The following ARHGAP40 variants were observed in gnomAD, a reference collection of about 807,000 sequenced individuals.
ARHGAP40 encodes rho GTPase-activating protein 40.
Under a neutral mutation model 73.5 loss-of-function variants are expected in ARHGAP40, and 43 were observed. The observed-to-expected ratio is 0.58, with a 90% confidence interval of 0.46 to 0.75. The LOEUF (loss-of-function observed/expected upper bound fraction) is 0.75, where lower values mean the gene tolerates loss of function less well. Among genes scored for constraint, ARHGAP40 ranks in the 30% least tolerant of loss-of-function variants. The pLI is 0.00. For missense variants in ARHGAP40, 734 were observed against 861.8 expected, an observed-to-expected ratio of 0.85 and a Z score of 1.86; for synonymous variants, 300 against 352.8, an observed-to-expected ratio of 0.85 and a Z score of 1.68.
intron 1 of ARHGAP40, among the ~76,000 whole-genome samples, chr20:38,602,315 A>C (rs975183862): frequency 5.9e-5 from 9 of 152,286 alleles, no homozygotes; most frequent in Admixed American, 6.5e-5. Context: ...CCCTGGGTTC[A>C]GGCTACTGGC....
rs1434503377 is a variant in ARHGAP40, at chr20:38,646,817, G to A, written c.1711-140G>A. ...GTCTGTGATCTGTGCCCAAGTGTCCGGTATGCGTGTGTGTGTATCTTGTGA... is the reference window on the plus strand; with the variant it reads ...GTCTGTGATCTGTGCCCAAGTGTCCAGTATGCGTGTGTGTGTATCTTGTGA... On this transcript the variant is annotated intron_variant, in intron 12 of 14. Transcript: ENST00000373345. The surrounding 1 kb of genome is among the most constrained non-coding windows in gnomAD (Gnocchi z 4.5). 4.4e-6 allele frequency: 3 copies of A among 684,526 alleles called. No homozygotes were observed. Among genetic ancestry groups the A allele is most frequent in the Non-Finnish European group, 6.4e-6 (3 of 465,974 alleles). The allele number at this position is 684,526 out of a possible 1,614,324, so 42.4% of individuals were successfully genotyped here. A position where few individuals can be genotyped will look rare whatever the true frequency, so the allele number is the denominator to read the frequency against.
chr20:38,642,928 G>A (rs2089028126), intron 10 of ARHGAP40, among the ~76,000 whole-genome samples: 1 of 152,170 alleles, frequency 6.6e-6, no homozygotes, highest in Non-Finnish European at 1.5e-5. Flanking sequence ...ATCACTTGAA[G>A]TCAGGAGTTC....
intron 1 of ARHGAP40, among the ~76,000 whole-genome samples, chr20:38,618,008 G>T (rs1284301368): frequency 6.6e-6 from 1 of 152,180 alleles, no homozygotes; most frequent in Non-Finnish European, 1.5e-5. Context: ...GGTCCAGCCA[G>T]GTTTGGGGAC....
At chr20:38,633,449 G>A (rs762715113) in intron 5 of ARHGAP40, among the ~76,000 whole-genome samples, 8 of 152,072 alleles carry the variant, frequency 5.3e-5, no homozygotes, top group African/African-American at 9.7e-5. Context: ...ACTATGTGTC[G>A]GGCACCATGT....
intron 1 of ARHGAP40, among the ~76,000 whole-genome samples, chr20:38,603,976 G>A (rs555437326): frequency 3.3e-5 from 5 of 152,168 alleles, no homozygotes; most frequent in South Asian, 2.1e-4. Flanking sequence ...ATCCAGGATC[G>A]TCCCCCCAAC....
intron 1 of ARHGAP40, among the ~76,000 whole-genome samples, chr20:38,622,792 T>C (rs2088880015): frequency 6.6e-6 from 1 of 152,166 alleles, no homozygotes; most frequent in African/African-American, 2.4e-5. Flanking sequence ...CCCTCTGCCC[T>C]TGGTTCAACA....
intron 1 of ARHGAP40, among the ~76,000 whole-genome samples, chr20:38,603,352 G>C (rs115420415): frequency 7.6e-4 from 115 of 152,296 alleles, no homozygotes; most frequent in African/African-American, 2.7e-3. Flanking sequence ...AATTACTCAG[G>C]ATAGGATTTT....
intron 14 of ARHGAP40, among the ~76,000 whole-genome samples, chr20:38,649,188 C>A (rs979086071): frequency 2.0e-5 from 3 of 152,174 alleles, no homozygotes; most frequent in Admixed American, 2.0e-4. Context: ...CTCAGGATCC[C>A]CTGGAGGGCT....
At chr20:38,615,775 G>A (rs2088833392) in intron 1 of ARHGAP40, among the ~76,000 whole-genome samples, 1 of 152,160 alleles carries the variant, frequency 6.6e-6, no homozygotes, top group South Asian at 2.1e-4. Context: ...TGCTGGGGTT[G>A]TGCGATAGCG....
At chr20:38,617,922 G>A (rs116025083) in intron 1 of ARHGAP40, among the ~76,000 whole-genome samples, 2,712 of 152,278 alleles carry the variant, frequency 0.018, 81 homozygotes, top group African/African-American at 0.062. Context: ...AACATTTGCT[G>A]AATGAGTGAA....
At chr20:38,609,297 T>G (rs2088791264) in intron 1 of ARHGAP40, among the ~76,000 whole-genome samples, 1 of 152,154 alleles carries the variant, frequency 6.6e-6, no homozygotes, top group South Asian at 2.1e-4. Context: ...GGAAGGCTTG[T>G]GCAAACACAG....
At chr20:38,632,197 C>T (rs1321733566) in intron 5 of ARHGAP40, among the ~76,000 whole-genome samples, 1 of 151,882 alleles carries the variant, frequency 6.6e-6, no homozygotes, top group Non-Finnish European at 1.5e-5. Context: ...CTCCTGACCT[C>T]AGGTGATCTG....
chr20:38,626,741 G>A (rs1289090979), intron 2 of ARHGAP40, among the ~76,000 whole-genome samples: 2 of 152,052 alleles, frequency 1.3e-5, no homozygotes, highest in African/African-American at 2.4e-5. Context: ...TGTTTTCCAG[G>A]GATTGCTATG....
chr20:38,646,158 A>G lies in ARHGAP40; in HGVS notation c.1681A>G (p.Arg561Gly), dbSNP rs566171687. ...TTGGCTGCGGAGGATGCACGCAGAC[A>G]GGGACAAGGCGGGGGACGGCCTCGA... is the stretch of plus-strand genomic sequence containing the variant. Residue 561 changes from arginine to glycine, a missense_variant, in exon 12 of 15, where the codon AGG becomes GGG. Physicochemically the swap from Arg to Gly is moderately radical, Grantham distance 125 (BLOSUM62 -2). Coordinates refer to ENST00000373345, the Ensembl canonical transcript of ARHGAP40. The surrounding 1 kb of genome is among the most constrained non-coding windows in gnomAD (Gnocchi z 4.5). 18 of 1,303,844 alleles carry G rather than the reference A, an allele frequency of 1.4e-5. No individual in the cohort carries two copies. Among genetic ancestry groups the G allele is most frequent in the South Asian group, 1.4e-4 (11 of 81,008 alleles). The allele number at this position is 1,303,844 out of a possible 1,614,324, so 80.8% of individuals were successfully genotyped here.
At chr20:38,637,457 A>G (rs1445066210) in intron 6 of ARHGAP40, among the ~76,000 whole-genome samples, 2 of 151,780 alleles carry the variant, frequency 1.3e-5, no homozygotes, top group African/African-American at 4.8e-5. Flanking sequence ...CCCTTTCAAT[A>G]CTTCTTTAAC....
Position 38,634,748 on chromosome 20 carries a change from C to A in ARHGAP40, c.912C>A (p.Asp304Glu). Residue 304 changes from aspartate (D) to glutamate (E), a missense_variant, in exon 6 of 15, where the codon GAC becomes GAA. Physicochemically the swap from Asp to Glu is conservative, Grantham distance 45. Coordinates refer to ENST00000373345, the Ensembl canonical transcript of ARHGAP40. ...CGCTCTGTGACATCCTCGGCTTGGACCTGAAGAGGAGCAAGGCGGGGAAGT... is the reference window on the plus strand; with the variant it reads ...CGCTCTGTGACATCCTCGGCTTGGAACTGAAGAGGAGCAAGGCGGGGAAGT... The A allele has an allele frequency of 3.1e-6, 4 of 1,302,630 alleles. No homozygotes were observed. In the South Asian group the frequency reaches 5.0e-5, roughly 16 times the overall value. The allele number at this position is 1,302,630 out of a possible 1,614,324, so 80.7% of individuals were successfully genotyped here.
exon 14 of ARHGAP40, chr20:38,648,690 G>T: frequency 7.7e-7 from 1 of 1,305,838 alleles, no homozygotes. Context: ...GAAGTTGGAG[G>T]GAATATCAGT....
intron 1 of ARHGAP40, chr20:38,614,972 G>T: frequency 4.1e-6 from 5 of 1,230,712 alleles, no homozygotes; most frequent in Non-Finnish European, 6.0e-6. Context: ...GTTTGTACGT[G>T]TGGTTGAGCG....
intron 1 of ARHGAP40, among the ~76,000 whole-genome samples, chr20:38,619,389 T>G (rs1179193701): frequency 6.6e-6 from 1 of 151,978 alleles, no homozygotes; most frequent in Non-Finnish European, 1.5e-5. Context: ...GATGGTGGCT[T>G]GGACCAGAGT....
Sources: gnomAD v4.1 joint callset for allele counts (sites outside exome capture counted in the v4.1 genomes callset) on GRCh38, gnomAD v4.1.1 for gene constraint, Gnocchi (gnomAD v3.1) non-coding constraint, MANE v1.5 for transcripts, NCBI Gene and HGNC (gene_info 2026-07-23, HGNC 2026-07-21) for gene names.